The following ADAMTS19 variants were observed in gnomAD, a reference collection of about 807,000 sequenced individuals.
ADAMTS19 encodes A disintegrin and metalloproteinase with thrombospondin motifs 19.
Under a neutral mutation model 153.3 loss-of-function variants are expected in ADAMTS19, and 93 were observed. That is an observed-to-expected ratio of 0.61 (90% CI 0.51 to 0.72). The LOEUF is 0.72. Ranked by LOEUF, ADAMTS19 falls within the 30% of genes least tolerant of loss-of-function variation. ADAMTS19 has a pLI of 0.00. For synonymous variants in ADAMTS19, 600 were observed against 556.6 expected, an observed-to-expected ratio of 1.08 and a Z score of -1.10; for missense variants, 1,482 against 1,552.1, an observed-to-expected ratio of 0.95 and a Z score of 0.76.
chr5:129,486,071 G>A (rs984822958), intron 2 of ADAMTS19, among the ~76,000 whole-genome samples: 6 of 152,082 alleles, frequency 3.9e-5, no homozygotes, highest in East Asian at 1.9e-4. Flanking sequence ...GATTACAGAC[G>A]TAAGCCACCG....
chr5:129,620,890 G>T, intron 9 of ADAMTS19, 132 bp downstream of exon 9: 1 of 883,634 alleles, frequency 1.1e-6, no homozygotes, highest in East Asian at 2.8e-5. Flanking sequence ...TTCCAATCCT[G>T]GCTTTTCCAT....
chr5:129,509,549 A>G (rs1751367454), intron 3 of ADAMTS19, among the ~76,000 whole-genome samples: 1 of 151,990 alleles, frequency 6.6e-6, no homozygotes, highest in African/African-American at 2.4e-5. Context: ...AATGACACAG[A>G]TAATTCCAGA....
chr5:129,656,389 A>C (rs559035751), intron 14 of ADAMTS19, among the ~76,000 whole-genome samples: 1 of 152,306 alleles, frequency 6.6e-6, no homozygotes, highest in East Asian at 1.9e-4. Context: ...AGAGAGTTTT[A>C]TCACTAAATA....
intron 1 of ADAMTS19, chr5:129,460,757 C>A: frequency 5.3e-6 from 3 of 566,570 alleles, no homozygotes; most frequent in Non-Finnish European, 9.4e-6. Context: ...AAAATTAGAA[C>A]GTACCTAAGT....
At chr5:129,668,097 G>A (rs1302605742) in intron 16 of ADAMTS19, among the ~76,000 whole-genome samples, 1 of 152,138 alleles carries the variant, frequency 6.6e-6, no homozygotes, top group Non-Finnish European at 1.5e-5. Flanking sequence ...TCCATTCCCT[G>A]CCTTTTCCAA....
intron 21 of ADAMTS19, among the ~76,000 whole-genome samples, chr5:129,726,038 G>A (rs919089974): frequency 6.6e-6 from 1 of 152,054 alleles, no homozygotes; most frequent in Admixed American, 6.6e-5. Flanking sequence ...AACTTTCCTT[G>A]TGTCTTGTTG....
At chr5:129,599,824 G>C (rs1030087693) in intron 8 of ADAMTS19, among the ~76,000 whole-genome samples, 7 of 152,098 alleles carry the variant, frequency 4.6e-5, no homozygotes, top group Non-Finnish European at 8.8e-5. Context: ...AAAATCAATA[G>C]AGATGTGCCA....
chr5:129,675,858 G>A (rs754884352), intron 16 of ADAMTS19, among the ~76,000 whole-genome samples: 5 of 151,998 alleles, frequency 3.3e-5, no homozygotes, highest in Admixed American at 3.3e-4. Flanking sequence ...GTAATACCTC[G>A]TCTCTACTAA....
chr5:129,602,826 C>CTGTGTGTGTGTGTGTGTGTGTGTGTG (rs56060749), intron 8 of ADAMTS19, among the ~76,000 whole-genome samples: 1 of 146,618 alleles, frequency 6.8e-6, no homozygotes, highest in African/African-American at 2.5e-5. Context: ...CTTATATTCT[C>CTGTGTGTGTGTGTGTGTGTGTGTGTG]TGTGTGTGTG....
chr5:129,590,559 C>A (rs1258911858), intron 7 of ADAMTS19, among the ~76,000 whole-genome samples: 1 of 152,100 alleles, frequency 6.6e-6, no homozygotes, highest in African/African-American at 2.4e-5. Context: ...TTGTAAATTA[C>A]TTAAACATTT....
chr5:129,604,889 C>T (rs774754101), intron 8 of ADAMTS19, among the ~76,000 whole-genome samples: 1 of 152,066 alleles, frequency 6.6e-6, no homozygotes, highest in African/African-American at 2.4e-5. Context: ...AAAGTGTTGC[C>T]CCTGAAGTCT....
At chr5:129,528,818 C>A in intron 6 of ADAMTS19, 141 bp downstream of exon 6, 1 of 597,372 alleles carries the variant, frequency 1.7e-6, no homozygotes, top group South Asian at 3.2e-5. Context: ...TTAGTCATCT[C>A]CCTCAAATCA....
At chr5:129,540,304 A>G (rs751641203) in intron 6 of ADAMTS19, among the ~76,000 whole-genome samples, 17 of 152,080 alleles carry the variant, frequency 1.1e-4, no homozygotes, top group Non-Finnish European at 1.8e-4. Context: ...GAGGTCATAT[A>G]TTTGTCAAAT....
chr5:129,595,242 A>G (rs1437912133), intron 7 of ADAMTS19, among the ~76,000 whole-genome samples: 1 of 151,824 alleles, frequency 6.6e-6, no homozygotes, highest in Non-Finnish European at 1.5e-5. Flanking sequence ...TCCATTTTCA[A>G]CCCTCCTGCA....
intron 6 of ADAMTS19, among the ~76,000 whole-genome samples, chr5:129,542,146 C>CA (rs1056791966): frequency 1.3e-5 from 2 of 151,908 alleles, no homozygotes; most frequent in Non-Finnish European, 2.9e-5. Flanking sequence ...TTCTCAGAAT[C>CA]AAAGGAAGAA....
At chr5:129,528,759 G>T (rs1752102063) in intron 6 of ADAMTS19, 82 bp downstream of exon 6, 1 of 1,140,624 alleles carries the variant, frequency 8.8e-7, no homozygotes, top group Non-Finnish European at 1.2e-6. Flanking sequence ...AATAGATAAT[G>T]TTTTTATTTC....
chr5:129,599,921 G>A (rs1750567074), intron 8 of ADAMTS19, among the ~76,000 whole-genome samples: 1 of 152,140 alleles, frequency 6.6e-6, no homozygotes, highest in African/African-American at 2.4e-5. Flanking sequence ...ATAGCAGTAA[G>A]CAATATTTGT....
intron 3 of ADAMTS19, among the ~76,000 whole-genome samples, chr5:129,515,228 C>T (rs191073343): frequency 1.3e-5 from 2 of 151,842 alleles, no homozygotes; most frequent in Admixed American, 6.6e-5. Flanking sequence ...AATTTGATTC[C>T]CCCAGTTTTG....
At chr5:129,495,418 A>G (rs1750896531) in intron 2 of ADAMTS19, among the ~76,000 whole-genome samples, 1 of 152,094 alleles carries the variant, frequency 6.6e-6, no homozygotes, top group Non-Finnish European at 1.5e-5. Flanking sequence ...AGCCCATCTC[A>G]TATCACAAAT....
Sources: gnomAD v4.1 joint callset for allele counts (sites outside exome capture counted in the v4.1 genomes callset) on GRCh38, gnomAD v4.1.1 for gene constraint, MANE v1.5 for transcripts, NCBI Gene and HGNC (gene_info 2026-07-23, HGNC 2026-07-21) for gene names.